PCDHA12: variants seen among roughly 807,000 people sequenced by gnomAD.
PCDHA12 encodes protocadherin alpha-12.
In PCDHA12, 44 loss-of-function variants were observed where a neutral mutation model predicts 60.0. The observed-to-expected ratio is 0.73, with a 90% confidence interval of 0.58 to 0.94. The LOEUF is 0.94. PCDHA12 is among the 40% of genes least tolerant of loss of function. PCDHA12 has a pLI of 0.00. For missense variants in PCDHA12, 1,276 were observed against 1,239.7 expected (o/e 1.03, Z -0.44); for synonymous variants, 569 against 553.0 (o/e 1.03, Z -0.40).
At chr5:140,893,182 AT>A (rs782024176) in intron 1 of PCDHA12, among the ~76,000 whole-genome samples, 5 of 152,238 alleles carry the variant, frequency 3.3e-5, no homozygotes, top group Non-Finnish European at 5.9e-5. Context: ...CATAGTAGCT[AT>A]TGTGAATAGT....
chr5:140,902,650 G>C (rs868917041), intron 1 of PCDHA12, among the ~76,000 whole-genome samples: 5 of 152,138 alleles, frequency 3.3e-5, no homozygotes, highest in Admixed American at 1.3e-4. Context: ...AGATTTTGGT[G>C]CACCTGTCAC....
At chr5:140,923,397 G>A (rs1392831353) in intron 1 of PCDHA12, among the ~76,000 whole-genome samples, 2 of 152,128 alleles carry the variant, frequency 1.3e-5, no homozygotes, top group East Asian at 3.9e-4. Flanking sequence ...GCATGGTGGT[G>A]TGTGCCTATA....
chr5:140,884,409 C>A (rs373513056), intron 1 of PCDHA12: 1 of 1,613,992 alleles, frequency 6.2e-7, no homozygotes, highest in Non-Finnish European at 8.5e-7. Context: ...TTGGTGCTCA[C>A]GTTGCTGCTG....
Position 140,875,995 on chromosome 5 carries a change from A to AATGAGAATTTTG in PCDHA12, c.525_536dup (p.Phe178_Glu179insAspGluAsnPhe), listed in dbSNP as rs1554168162. The AATGAGAATTTTG allele has an allele frequency of 4.3e-6, 7 of 1,613,958 alleles. No individual in the cohort carries two copies. Among genetic ancestry groups the AATGAGAATTTTG allele is most frequent in the Non-Finnish European group, 5.9e-6 (7 of 1,179,894 alleles). On this transcript the variant is annotated inframe_insertion, in exon 1 of 4. Transcript: ENST00000398631. The stretch of plus-strand genomic sequence containing the variant: ...TCTTTTGACCTATGCGTTAAGTCTA[A>AATGAGAATTTTG]ATGAGAATTTTGAGCTTAAAATAAA...
chr5:140,950,685 A>T (rs947460709), intron 1 of PCDHA12, among the ~76,000 whole-genome samples: 3 of 152,082 alleles, frequency 2.0e-5, no homozygotes, highest in Non-Finnish European at 4.4e-5. Context: ...GTATATTGTT[A>T]ACCAAATTTG....
intron 1 of PCDHA12, chr5:140,967,309 A>G (rs782218334): frequency 6.2e-7 from 1 of 1,611,224 alleles, no homozygotes; most frequent in East Asian, 2.2e-5. Context: ...GCGCCAACTC[A>G]GTACAGACCT....
At chr5:140,884,230 CG>C in intron 1 of PCDHA12, 2 of 1,613,384 alleles carry the variant, frequency 1.2e-6, no homozygotes, top group Non-Finnish European at 1.7e-6. Flanking sequence ...TGAAGGACCA[CG>C]GTGAGCCCGC....
intron 3 of PCDHA12, among the ~76,000 whole-genome samples, chr5:140,992,017 CTG>C (rs10602499): frequency 0.14 from 19,772 of 145,244 alleles, 1,405 homozygotes; most frequent in African/African-American, 0.18. Flanking sequence ...AGAGGTGGCT[CTG>C]TGTGTGTGTG....
At position 140,926,851 on chromosome 5, in the gene PCDHA12, T is replaced by C. The variant is rs201136210; in HGVS notation, c.2367+49012T>C. 6.6e-6 allele frequency: 10 copies of C among 1,517,220 alleles called. No individual in the cohort carries two copies. In the Admixed American group the frequency reaches 6.6e-5, roughly 10 times the overall value. The allele number at this position is 1,517,220 out of a possible 1,614,324, so 94.0% of individuals were successfully genotyped here. ...TCCGGAGCATGGTCCTGGGTCACCGTTGGTGTAGCGTGTTGGTGGAACGTG... is the reference window on the plus strand; with the variant it reads ...TCCGGAGCATGGTCCTGGGTCACCGCTGGTGTAGCGTGTTGGTGGAACGTG... On this transcript the variant is annotated intron_variant, in intron 1 of 3. Coordinates refer to ENST00000398631, the MANE Select transcript of PCDHA12 (RefSeq NM_018903.4).
At chr5:140,949,603 A>G (rs1218724530) in intron 1 of PCDHA12, among the ~76,000 whole-genome samples, 3 of 151,662 alleles carry the variant, frequency 2.0e-5, no homozygotes, top group Non-Finnish European at 4.4e-5. Flanking sequence ...TGGCCATTCT[A>G]GTCTCATGTT....
intron 1 of PCDHA12, chr5:140,884,380 C>T (rs1281344307): frequency 6.2e-7 from 1 of 1,613,980 alleles, no homozygotes; most frequent in Non-Finnish European, 8.5e-7. Context: ...TCATTGCCAT[C>T]TGCGCGGTGT....
intron 1 of PCDHA12, among the ~76,000 whole-genome samples, chr5:140,923,268 G>C (rs2081286092): frequency 6.6e-6 from 1 of 152,154 alleles, no homozygotes; most frequent in Non-Finnish European, 1.5e-5. Context: ...GTGAGACCTT[G>C]TCTCTACAAA....
intron 1 of PCDHA12, among the ~76,000 whole-genome samples, chr5:140,938,925 CT>C (rs1316558463): frequency 2.0e-5 from 3 of 151,992 alleles, no homozygotes; most frequent in African/African-American, 7.2e-5. Flanking sequence ...AAGAAATTGG[CT>C]TTTAACTTTC....
At chr5:140,907,873 CACTCA>C (rs2073658134) in intron 1 of PCDHA12, among the ~76,000 whole-genome samples, 1 of 152,226 alleles carries the variant, frequency 6.6e-6, no homozygotes, top group Non-Finnish European at 1.5e-5. Context: ...CGTTGGTGAG[CACTCA>C]CATGGGATAC....
Position 140,876,315 on chromosome 5 carries a change from C to G in PCDHA12, c.843C>G (p.Ile281Met), listed in dbSNP as rs2056279391. 6.2e-7 allele frequency: 1 copy of G among 1,613,840 alleles called. No individual in the cohort carries two copies. Among genetic ancestry groups the G allele is most frequent in the African/African-American group, 1.3e-5 (1 of 74,900 alleles). The change falls in exon 1 of 4, where the codon ATC becomes ATG. Residue 281 changes from isoleucine (I) to methionine (M), a missense_variant. Physicochemically the swap from Ile to Met is conservative, Grantham distance 10. Transcript: ENST00000398631. ...TTAATGGAGAAATTTCCTATGGGATCAAAATGATTTTGCCAGTGAGTGAGA... is the reference window on the plus strand; with the variant it reads ...TTAATGGAGAAATTTCCTATGGGATGAAAATGATTTTGCCAGTGAGTGAGA... Reference protein sequence around the residue: ...EGLNGEISYGIKMILPVSEKC... With the variant: ...EGLNGEISYGMKMILPVSEKC...
At chr5:140,896,451 C>T (rs1173407136) in intron 1 of PCDHA12, among the ~76,000 whole-genome samples, 1 of 152,112 alleles carries the variant, frequency 6.6e-6, no homozygotes, top group Non-Finnish European at 1.5e-5. Flanking sequence ...CAACCTCCAC[C>T]TCCTGGGTTC....
chr5:140,882,024 G>A lies in PCDHA12; in HGVS notation c.2367+4185G>A, dbSNP rs4151690. On this transcript the variant is annotated intron_variant, in intron 1 of 3. Transcript: ENST00000398631. ...AGGGGCAAAAAAATACTACATCAAT[G>A]GAAAATATGAAGACTGAGTCATACT... is the stretch of plus-strand genomic sequence containing the variant. 118 of 580,388 alleles carry A rather than the reference G, an allele frequency of 2.0e-4. 2 individuals carry two copies. The highest frequency in any genetic ancestry group is 1.6e-3 in the East Asian group (53 of 32,696). The allele number at this position is 580,388 out of a possible 1,614,324, so 36.0% of individuals were successfully genotyped here. A position where few individuals can be genotyped will look rare whatever the true frequency, so the allele number is the denominator to read the frequency against.
rs782817195 is a variant in PCDHA12 at position 140,877,328 on chromosome 5, A to G, written c.1856A>G (p.His619Arg). ...TTGCAACCGGCGGCGGTCGGCGCGC[A>G]CATCCCGTTCCACGTGGGGCTGTAC... ...YELQPAAVGA[H>R]IPFHVGLYTG... The change falls in exon 1 of 4, where the codon CAC becomes CGC. Residue 619 changes from histidine (H) to arginine (R), a missense_variant. By Grantham distance (29) the His-to-Arg change is conservative. Transcript: ENST00000398631. 2 of 1,613,980 alleles carry G rather than the reference A, an allele frequency of 1.2e-6. No homozygotes were observed. Among genetic ancestry groups the G allele is most frequent in the Non-Finnish European group, 1.7e-6 (2 of 1,179,868 alleles).
chr5:140,898,004 T>C (rs2066460029), intron 1 of PCDHA12, among the ~76,000 whole-genome samples: 1 of 152,210 alleles, frequency 6.6e-6, no homozygotes, highest in East Asian at 1.9e-4. Context: ...GAAGTGTCTG[T>C]TCATATCCTT....
Sources: gnomAD v4.1 joint callset for allele counts (sites outside exome capture counted in the v4.1 genomes callset) on GRCh38, gnomAD v4.1.1 for gene constraint, MANE v1.5 for transcripts, NCBI Gene and HGNC (gene_info 2026-07-23, HGNC 2026-07-21) for gene names.